Variants in DRC5 observed in about 807,000 individuals in gnomAD.
DRC5 encodes the protein T-complex-associated testis-expressed protein 1.
the DRC5 span, among the ~76,000 whole-genome samples, chr6:44,293,733 G>C: frequency 6.6e-6 from 1 of 152,148 alleles, no homozygotes; most frequent in African/African-American, 2.4e-5. Context: ...AGTGGGGAGG[G>C]CCTCCCCGGG....
chr6:44,285,857 AAGAG>A, the DRC5 span: 2 of 1,122,074 alleles, frequency 1.8e-6, no homozygotes, highest in Non-Finnish European at 2.5e-6. Flanking sequence ...TGGCCAATGA[AAGAG>A]AAGGAAATAG....
At chr6:44,287,800 G>A in the DRC5 span, 3 of 1,614,154 alleles carry the variant, frequency 1.9e-6, no homozygotes, top group Non-Finnish European at 2.5e-6. Flanking sequence ...GTCCAACAAT[G>A]CTGATGTCGT....
the DRC5 span, among the ~76,000 whole-genome samples, chr6:44,281,557 G>C: frequency 1.3e-5 from 2 of 152,190 alleles, no homozygotes; most frequent in Admixed American, 6.5e-5. Flanking sequence ...GCTGATTTTT[G>C]TATTTTTAGT....
the DRC5 span, among the ~76,000 whole-genome samples, chr6:44,285,791 T>A: frequency 1.3e-5 from 2 of 152,130 alleles, no homozygotes; most frequent in Non-Finnish European, 1.5e-5. Flanking sequence ...AGCGCCTTGT[T>A]CATCTCTACA....
chr6:44,290,332 T>C, the DRC5 span, among the ~76,000 whole-genome samples: 1 of 152,182 alleles, frequency 6.6e-6, no homozygotes, highest in Non-Finnish European at 1.5e-5. Flanking sequence ...ACATGGGCTG[T>C]AGTGGAGATC....
the DRC5 span, among the ~76,000 whole-genome samples, chr6:44,297,073 C>T: frequency 7.3e-5 from 1 of 13,670 alleles, no homozygotes; most frequent in African/African-American, 1.2e-4. Context: ...GTCTCCCACC[C>T]CTCCTCCCTA....
the DRC5 span, among the ~76,000 whole-genome samples, chr6:44,297,210 G>C: frequency 2.0e-5 from 3 of 152,334 alleles, no homozygotes; most frequent in South Asian, 6.2e-4. Context: ...AGTGCAGTGG[G>C]AGGTAGGGAG....
At chr6:44,296,941 G>C in the DRC5 span, among the ~76,000 whole-genome samples, 3 of 150,432 alleles carry the variant, frequency 2.0e-5, no homozygotes, top group South Asian at 2.1e-4. Flanking sequence ...GCCTCGGCCC[G>C]TGTGCTTGGA....
the DRC5 span, among the ~76,000 whole-genome samples, chr6:44,294,747 G>C: frequency 6.9e-6 from 1 of 144,526 alleles, no homozygotes; most frequent in Non-Finnish European, 1.5e-5. Flanking sequence ...ACTCCAGCCT[G>C]GGCAATGAGA....
the DRC5 span, among the ~76,000 whole-genome samples, chr6:44,293,256 G>GCACT: frequency 7.1e-6 from 1 of 140,682 alleles, no homozygotes; most frequent in South Asian, 2.3e-4. Flanking sequence ...CAACTGTCCA[G>GCACT]CACTTAACAG....
chr6:44,280,496 A>C, the DRC5 span: 1 of 765,078 alleles, frequency 1.3e-6, no homozygotes, highest in Non-Finnish European at 2.1e-6. Context: ...AGTTTCACAA[A>C]ACAATACTTA....
At chr6:44,294,389 G>A in the DRC5 span, among the ~76,000 whole-genome samples, 195 of 152,268 alleles carry the variant, frequency 1.3e-3, 1 homozygote, top group Non-Finnish European at 2.3e-3. Context: ...TAAGATATCA[G>A]GATATATGTA....
the DRC5 span, among the ~76,000 whole-genome samples, chr6:44,284,196 G>A: frequency 6.6e-6 from 1 of 151,864 alleles, no homozygotes; most frequent in Non-Finnish European, 1.5e-5. Context: ...CACTGAAATA[G>A]CTCCCCCTCA....
At chr6:44,280,383 C>T in the DRC5 span, 2 of 1,612,538 alleles carry the variant, frequency 1.2e-6, no homozygotes, top group Non-Finnish European at 8.5e-7. Flanking sequence ...GAGCTGCTTC[C>T]CACCGTCCTG....
the DRC5 span, among the ~76,000 whole-genome samples, chr6:44,290,035 G>A: frequency 6.6e-6 from 1 of 152,228 alleles, no homozygotes; most frequent in Non-Finnish European, 1.5e-5. Context: ...GCGGGTGGCA[G>A]GGAGAGAGAT....
chr6:44,281,900 A>G, the DRC5 span, among the ~76,000 whole-genome samples: 1 of 152,244 alleles, frequency 6.6e-6, no homozygotes, highest in Non-Finnish European at 1.5e-5. Flanking sequence ...ACTTAAATAT[A>G]TTTAGGGTTA....
the DRC5 span, chr6:44,287,288 A>T: frequency 1.0e-6 from 1 of 966,802 alleles, no homozygotes; most frequent in Non-Finnish European, 1.2e-6. Flanking sequence ...TGCTGGAGAG[A>T]GTAGAAAAGG....
the DRC5 span, chr6:44,288,051 T>C: frequency 2.1e-6 from 1 of 475,466 alleles, no homozygotes; most frequent in Middle Eastern, 5.4e-4. Context: ...CTGTGTGGCC[T>C]TGGGCAAGTT....
At chr6:44,293,623 A>G in the DRC5 span, among the ~76,000 whole-genome samples, 1 of 152,302 alleles carries the variant, frequency 6.6e-6, no homozygotes, top group South Asian at 2.1e-4. Flanking sequence ...ACCTCTAGCC[A>G]CAATACACTA....
Sources: allele counts gnomAD v4.1 joint callset (sites outside exome capture counted in the v4.1 genomes callset), GRCh38; gene constraint gnomAD v4.1.1; transcripts MANE v1.5; gene names NCBI Gene and HGNC (gene_info 2026-07-23, HGNC 2026-07-21).